The following CDIN1 variants were observed in gnomAD, a reference collection of about 807,000 sequenced individuals.
CDIN1 encodes CDAN1 interacting nuclease 1, also known as CDAN1-interacting nuclease 1.
CDIN1 carries 33 observed loss-of-function variants against 45.3 expected under a neutral mutation model. The ratio of observed to expected loss-of-function variants is 0.73; its 90% CI spans 0.55 to 0.97. The LOEUF (loss-of-function observed/expected upper bound fraction) is 0.97, where lower values mean the gene tolerates loss of function less well. Among genes scored for constraint, CDIN1 ranks in the 50% least tolerant of loss-of-function variants. The pLI, the probability that CDIN1 is intolerant of heterozygous loss-of-function variation, is 0.00. For synonymous variants in CDIN1, 118 were observed against 124.4 expected, an observed-to-expected ratio of 0.95 and a Z score of 0.34; for missense variants, 303 against 339.4, an observed-to-expected ratio of 0.89 and a Z score of 0.84.
chr15:36,711,910 C>T (rs190098931), intron 10 of CDIN1, among the ~76,000 whole-genome samples: 1 of 152,164 alleles, frequency 6.6e-6, no homozygotes, highest in East Asian at 1.9e-4. Context: ...ACAAGCTGAC[C>T]GGTGATAGAG....
chr15:36,581,025 A>G (rs2037016881), intron 1 of CDIN1, among the ~76,000 whole-genome samples: 1 of 152,242 alleles, frequency 6.6e-6, no homozygotes, highest in African/African-American at 2.4e-5. Flanking sequence ...CTGTAAAATG[A>G]AGGAGTCTCT....
chr15:36,717,127 C>G (rs897946635), intron 10 of CDIN1, among the ~76,000 whole-genome samples: 26 of 152,292 alleles, frequency 1.7e-4, no homozygotes, highest in Admixed American at 1.6e-3. Flanking sequence ...ACCATTTGTT[C>G]TCTGTTCTTC....
At chr15:36,612,040 T>C (rs1188362320) in intron 1 of CDIN1, among the ~76,000 whole-genome samples, 1 of 152,198 alleles carries the variant, frequency 6.6e-6, no homozygotes. Flanking sequence ...GAAAATGTAG[T>C]TTTCCCCAGG....
intron 1 of CDIN1, among the ~76,000 whole-genome samples, chr15:36,628,462 C>T (rs1306632338): frequency 6.6e-6 from 1 of 152,070 alleles, no homozygotes; most frequent in Non-Finnish European, 1.5e-5. Flanking sequence ...ATATTCTTTC[C>T]AATATAGATG....
chr15:36,585,909 A>G (rs1262617085), intron 1 of CDIN1, among the ~76,000 whole-genome samples: 8 of 152,186 alleles, frequency 5.3e-5, no homozygotes, highest in Non-Finnish European at 8.8e-5. Flanking sequence ...AAATATAACC[A>G]TAACTTGCTA....
intron 5 of CDIN1, among the ~76,000 whole-genome samples, chr15:36,663,444 G>A (rs2041103819): frequency 6.6e-6 from 1 of 152,124 alleles, no homozygotes; most frequent in South Asian, 2.1e-4. Flanking sequence ...TAATCCCCAC[G>A]TGTTGTGGAA....
intron 10 of CDIN1, among the ~76,000 whole-genome samples, chr15:36,711,780 C>G (rs1250629266): frequency 6.6e-6 from 1 of 152,090 alleles, no homozygotes; most frequent in East Asian, 1.9e-4. Flanking sequence ...ACTGATGTTA[C>G]CAAAGGTCTG....
intron 1 of CDIN1, among the ~76,000 whole-genome samples, chr15:36,602,301 C>G (rs540103849): frequency 2.0e-5 from 3 of 152,314 alleles, no homozygotes; most frequent in Admixed American, 6.5e-5. Flanking sequence ...AAATTAATGG[C>G]TCACAGTTTT....
At chr15:36,608,288 A>G (rs978198313) in intron 1 of CDIN1, among the ~76,000 whole-genome samples, 5 of 152,220 alleles carry the variant, frequency 3.3e-5, no homozygotes, top group African/African-American at 7.2e-5. Flanking sequence ...ACGTTTCTCC[A>G]TAGGAATGTA....
intron 5 of CDIN1, among the ~76,000 whole-genome samples, chr15:36,686,122 G>A (rs1384332334): frequency 1.3e-5 from 2 of 152,046 alleles, no homozygotes; most frequent in Admixed American, 1.3e-4. Flanking sequence ...TATGTTTATT[G>A]TGGCACTATT....
chr15:36,704,388 C>G (rs939144724), intron 8 of CDIN1: 6 of 151,998 alleles, frequency 3.9e-5, no homozygotes, highest in African/African-American at 1.4e-4. Flanking sequence ...ATTGGTCTCC[C>G]CATTAAATGC....
intron 10 of CDIN1, among the ~76,000 whole-genome samples, chr15:36,759,405 T>TAA (rs2053697032): frequency 6.6e-6 from 1 of 152,166 alleles, no homozygotes; most frequent in Non-Finnish European, 1.5e-5. Flanking sequence ...TTTCCCTGCA[T>TAA]CAGCCCCACT....
At chr15:36,583,670 A>T (rs2037151286) in intron 1 of CDIN1, among the ~76,000 whole-genome samples, 1 of 152,224 alleles carries the variant, frequency 6.6e-6, no homozygotes, top group Admixed American at 6.5e-5. Flanking sequence ...TATAAACAAG[A>T]ATTAAGTTCC....
intron 10 of CDIN1, among the ~76,000 whole-genome samples, chr15:36,800,879 ATGTGTGTGTGTGTGTGTG>A (rs1163549097): frequency 1.2e-5 from 1 of 82,524 alleles, no homozygotes; most frequent in Non-Finnish European, 2.4e-5. Context: ...GTGTGTATAT[ATGTGTGTGTGTGTGTGTG>A]TGTGTGTGTG....
chr15:36,605,783 C>T (rs1158712196), intron 1 of CDIN1, among the ~76,000 whole-genome samples: 1 of 152,108 alleles, frequency 6.6e-6, no homozygotes, highest in East Asian at 1.9e-4. Context: ...GTGGAGTGAC[C>T]TTTTAAAGTC....
chr15:36,624,705 G>A (rs924925369), intron 1 of CDIN1, among the ~76,000 whole-genome samples: 4 of 152,112 alleles, frequency 2.6e-5, no homozygotes, highest in East Asian at 1.9e-4. Context: ...GTAATTGGGG[G>A]TTGGGATGGG....
chr15:36,611,823 C>T lies in CDIN1; in HGVS notation c.101+31862C>T, dbSNP rs566941273. On this transcript the variant is annotated intron_variant, in intron 1 of 10. Transcript: ENST00000566621. ...ATCTCTAGCCCTACACTCTGTTATT[C>T]ACCAATGGTGTTTGTGAAATGAAGT... Among the ~76,000 whole-genome samples, 73 of 152,232 alleles carry T rather than the reference C, an allele frequency of 4.8e-4. No individual in the cohort carries two copies. The South Asian group carries it at 0.013, about 26-fold the overall frequency.
intron 1 of CDIN1, among the ~76,000 whole-genome samples, chr15:36,639,268 A>G (rs1440358864): frequency 6.6e-6 from 1 of 152,168 alleles, no homozygotes; most frequent in Admixed American, 6.5e-5. Flanking sequence ...TTTGGGGAAA[A>G]AAAAAGCAAT....
intron 1 of CDIN1, among the ~76,000 whole-genome samples, chr15:36,616,800 C>G (rs1043061851): frequency 2.6e-5 from 4 of 151,944 alleles, no homozygotes; most frequent in African/African-American, 9.7e-5. Context: ...TGGCGCATGC[C>G]TGTAATCCCA....
Sources: gnomAD v4.1 joint callset for allele counts (sites outside exome capture counted in the v4.1 genomes callset) on GRCh38, gnomAD v4.1.1 for gene constraint, MANE v1.5 for transcripts, NCBI Gene and HGNC (gene_info 2026-07-23, HGNC 2026-07-21) for gene names.